Variants in EIF3F observed in about 807,000 individuals in gnomAD.
EIF3F encodes the protein deubiquitinating enzyme eIF3f.
In EIF3F, 8 loss-of-function variants were observed where a neutral mutation model predicts 36.0. The observed-to-expected ratio is 0.22, with a 90% confidence interval of 0.13 to 0.40. The LOEUF (loss-of-function observed/expected upper bound fraction) is 0.40, where lower values mean the gene tolerates loss of function less well. Among genes scored for constraint, EIF3F ranks in the 10% least tolerant of loss-of-function variants. The probability of loss-of-function intolerance (pLI) is 1.00; values close to 1 mark genes in which losing one functional copy is unlikely to be tolerated. For synonymous variants in EIF3F, 184 were observed against 188.5 expected (o/e 0.98, Z 0.19); for missense variants, 430 against 467.6 (o/e 0.92, Z 0.74).
At chr11:7,987,785 C>T in intron 1 of EIF3F, 69 bp downstream of exon 1, 6 of 1,396,990 alleles carry the variant, frequency 4.3e-6, no homozygotes, top group Non-Finnish European at 5.6e-6. Context: ...TCCCCTAACT[C>T]ATTAATTCTT....
At chr11:7,992,400 C>T in intron 3 of EIF3F, 1 of 543,730 alleles carries the variant, frequency 1.8e-6, no homozygotes, top group Non-Finnish European at 3.2e-6. Flanking sequence ...GACCCTGTCT[C>T]TACAAAAACA....
Position 7,993,276 on chromosome 11 carries a change from A to G in EIF3F, c.653+252A>G, listed in dbSNP as rs557537397. ...AAGTATTTGAGCAAGCTGTCAAGTCATCTTTTGTAGGACCTAACTATTCCA... is the reference window on the plus strand; with the variant it reads ...AAGTATTTGAGCAAGCTGTCAAGTCGTCTTTTGTAGGACCTAACTATTCCA... On this transcript the variant is annotated intron_variant, in intron 4 of 7. Transcript: ENST00000651655. Among the ~76,000 whole-genome samples the G allele has an allele frequency of 3.9e-5, 6 of 152,350 alleles. No individual in the cohort carries two copies. The South Asian group carries it at 1.2e-3, about 32-fold the overall frequency.
rs1942043942 is a variant in EIF3F, at chr11:7,987,726, CAGAGAA to C, written c.364+13_364+18del. ...ATCGGGACCCTGTTGGGTGAGTGGTCAGAGAAAGTTAACATTCTTTTCTTCCTCCCA... is the reference window on the plus strand; with the variant it reads ...ATCGGGACCCTGTTGGGTGAGTGGTCAGTTAACATTCTTTTCTTCCTCCCA... On this transcript the variant is annotated intron_variant, in intron 1 of 7. Transcript: ENST00000651655. 2.0e-6 allele frequency: 3 copies of C among 1,502,378 alleles called. No homozygotes were observed. The African/African-American group carries it at 4.3e-5, about 22-fold the overall frequency. 93.1% of individuals were successfully genotyped at this position (1,502,378 alleles called of 1,614,324 possible). A position where few individuals can be genotyped will look rare whatever the true frequency, so the allele number is the denominator to read the frequency against.
Position 7,997,582 on chromosome 11 carries a change from C to T in EIF3F, c.*1560C>T, listed in dbSNP as rs1210470545. On this transcript the variant is annotated 3_prime_UTR_variant, in exon 8 of 8. Coordinates refer to ENST00000651655, the MANE Select transcript of EIF3F (RefSeq NM_003754.3). ...GAAAAATTGAATATTAAAACAAACC[C>T]CAATCATATGCTGTTTACAGGAGAC... 2 of 152,010 alleles carry T rather than the reference C, an allele frequency of 1.3e-5. No homozygotes were observed. Among genetic ancestry groups the T allele is most frequent in the African/African-American group, 4.8e-5 (2 of 41,386 alleles). 9.4% of individuals were successfully genotyped at this position (152,010 alleles called of 1,614,324 possible).
rs1942186001 is a variant in EIF3F at position 7,998,386 on chromosome 11, T to G, written c.*2364T>G. ...TTTCTCCAGGCGGCACATCACAGTC[T>G]TCTTGCACTTAGGAACACTTGGCAC... On this transcript the variant is annotated 3_prime_UTR_variant, in exon 8 of 8. Transcript: ENST00000651655. The G allele has an allele frequency of 6.6e-6, 1 of 152,236 alleles. No individual in the cohort carries two copies. Among genetic ancestry groups the G allele is most frequent in the African/African-American group, 2.4e-5 (1 of 41,454 alleles). The allele number at this position is 152,236 out of a possible 1,614,324, so 9.4% of individuals were successfully genotyped here. A position where few individuals can be genotyped will look rare whatever the true frequency, so the allele number is the denominator to read the frequency against.
intron 1 of EIF3F, among the ~76,000 whole-genome samples, chr11:7,990,900 T>TAAA (rs71059142): frequency 7.3e-6 from 1 of 136,878 alleles, no homozygotes; most frequent in Non-Finnish European, 1.6e-5. Context: ...AATAAATAAA[T>TAAA]AAAAGAAATA....
chr11:7,990,896 T>TA (rs1220652215), intron 1 of EIF3F, among the ~76,000 whole-genome samples: 20 of 130,468 alleles, frequency 1.5e-4, no homozygotes, highest in African/African-American at 4.9e-4. Flanking sequence ...AATAAATAAA[T>TA]AAATAAAAGA....
rs1942221399 is a variant in EIF3F, at chr11:8,001,591, AGAGT to A, written c.*5570_*5573del. 1 of 152,204 alleles carries A rather than the reference AGAGT, an allele frequency of 6.6e-6. No individual in the cohort carries two copies. Among genetic ancestry groups the A allele is most frequent in the Non-Finnish European group, 1.5e-5 (1 of 68,040 alleles). 9.4% of individuals were successfully genotyped at this position (152,204 alleles called of 1,614,324 possible). On this transcript the variant is annotated 3_prime_UTR_variant, in exon 8 of 8. Transcript: ENST00000651655. ...GTCCTCTATATATCAATATGGATAA[AGAGT>A]AAGTGAAAAAAGCCAGGAGAGAATG...
At chr11:7,991,195 A>G (rs1438416186) in intron 1 of EIF3F, among the ~76,000 whole-genome samples, 3 of 134,604 alleles carry the variant, frequency 2.2e-5, no homozygotes, top group Admixed American at 7.1e-5. Context: ...TTCGTCTCAG[A>G]AAAAAAAAAA....
At chr11:7,990,530 A>C (rs7951923) in intron 1 of EIF3F, among the ~76,000 whole-genome samples, 30,387 of 152,164 alleles carry the variant, frequency 0.2, 3,289 homozygotes, top group Middle Eastern at 0.27. Flanking sequence ...AAAACCTAAA[A>C]AGTCAGGAAG....
rs749438716 is a variant in EIF3F, at chr11:7,992,893, T to G, written c.522T>G (p.Ala174=). The change falls in exon 4 of 8, where the codon GCT becomes GCG. Residue 174 remains alanine (A), a synonymous_variant. Transcript: ENST00000651655. The part of the protein sequence containing the change: ...SPNELILGWY[A]TGHDITEHSV... ...ACTGTGTTCCATTTCACAGGTACGC[T>G]ACGGGCCATGACATCACAGAGCACT... 2 of 1,614,000 alleles carry G rather than the reference T, an allele frequency of 1.2e-6. No individual in the cohort carries two copies. Among genetic ancestry groups the G allele is most frequent in the African/African-American group, 1.3e-5 (1 of 74,920 alleles).
At chr11:7,994,688 GTTAT>G (rs1942141345) in intron 5 of EIF3F, 171 bp downstream of exon 5, 1 of 713,408 alleles carries the variant, frequency 1.4e-6, no homozygotes, top group African/African-American at 1.8e-5. Context: ...GATTTAAGGA[GTTAT>G]TTGAGAAACT....
In EIF3F at chr11:7,995,493, C is replaced by G. The variant is rs1343661369; in HGVS notation, c.996+126C>G. Reference sequence around the variant, plus strand: ...ATAGAGACAGGGCTTCACCTATAGCCCCACTGAAGTCCAGGTTGGGAGGAA... The same window carrying G: ...ATAGAGACAGGGCTTCACCTATAGCGCCACTGAAGTCCAGGTTGGGAGGAA... On this transcript the variant is annotated intron_variant, in intron 7 of 7. Coordinates refer to ENST00000651655, the MANE Select transcript of EIF3F (RefSeq NM_003754.3). 9.9e-6 allele frequency: 8 copies of G among 804,274 alleles called. No individual in the cohort carries two copies. In the South Asian group the frequency reaches 1.1e-4, roughly 11 times the overall value. The allele number at this position is 804,274 out of a possible 1,614,324, so 49.8% of individuals were successfully genotyped here.
intron 4 of EIF3F, among the ~76,000 whole-genome samples, chr11:7,993,883 CTATATATATG>C (rs1554915349): frequency 6.6e-6 from 1 of 151,678 alleles, no homozygotes; most frequent in South Asian, 2.1e-4. Flanking sequence ...TAAGATCCAA[CTATATATATG>C]TATATATATG....
At chr11:7,991,876 T>G (rs1942099158) in intron 2 of EIF3F, 25 bp downstream of exon 2, 1 of 1,613,888 alleles carries the variant, frequency 6.2e-7, no homozygotes, top group South Asian at 1.1e-5. Context: ...AAGCTGTCCC[T>G]CTGCAGTTTT....
intron 4 of EIF3F, among the ~76,000 whole-genome samples, chr11:7,993,416 CAG>C (rs1564886807): frequency 6.6e-6 from 1 of 152,196 alleles, no homozygotes; most frequent in Admixed American, 6.5e-5. Flanking sequence ...GCACAGCGCT[CAG>C]GGTAATACAG....
chr11:7,995,098 C>T lies in EIF3F; in HGVS notation c.862C>T (p.Gln288Ter). The change falls in exon 6 of 8, where the codon CAA becomes TAA. Residue 288 changes from glutamine (Q) to a stop codon, truncating the protein, a stop_gained. Coordinates refer to ENST00000651655, the MANE Select transcript of EIF3F (RefSeq NM_003754.3). LOFTEE classifies it high-confidence loss of function. ...RIQDALSTVL[Q>*]YAEDVLSGKV... ...CCAGGATGCCCTGAGTACAGTGTTG[C>T]AATATGCAGAGGATGTACTGGTGAG... The T allele has an allele frequency of 6.2e-7, 1 of 1,613,878 alleles. No homozygotes were observed. The highest frequency in any genetic ancestry group is 8.5e-7 in the Non-Finnish European group (1 of 1,179,898).
rs202109709 is a variant in EIF3F, at chr11:7,992,152, C to T, written c.504C>T (p.Leu168=). 9.6e-5 allele frequency: 155 copies of T among 1,612,324 alleles called. No individual in the cohort carries two copies. Among genetic ancestry groups the T allele is most frequent in the African/African-American group, 2.7e-4 (20 of 75,040 alleles). ...ELHKKVSPNE[L]ILGWYATGHD... is the part of the protein sequence containing the mutation. The stretch of plus-strand genomic sequence containing the variant: ...ATAAAAAAGTTTCTCCAAATGAGCT[C>T]ATCCTGGGCTGGTAAGTTGGGGAGG... The change falls in exon 3 of 8, where the codon CTC becomes CTT. Residue 168 remains leucine (L), a synonymous_variant. Transcript: ENST00000651655.
intron 1 of EIF3F, 27 bp downstream of exon 1, chr11:7,987,743 C>A: frequency 2.0e-6 from 3 of 1,475,224 alleles, no homozygotes; most frequent in East Asian, 2.6e-5. Context: ...AGTTAACATT[C>A]TTTTCTTCCT....
Sources: gnomAD v4.1 joint callset for allele counts (sites outside exome capture counted in the v4.1 genomes callset) on GRCh38, gnomAD v4.1.1 for gene constraint, MANE v1.5 for transcripts, NCBI Gene and HGNC (gene_info 2026-07-23, HGNC 2026-07-21) for gene names.